Variants in ZNF407 observed in about 807,000 individuals in gnomAD.
ZNF407 encodes the protein zinc finger protein 407.
A neutral mutation model predicts 131.2 loss-of-function variants in ZNF407; 17 were observed. The observed-to-expected ratio is 0.13, with a 90% CI of 0.09 to 0.19. The LOEUF (loss-of-function observed/expected upper bound fraction) is 0.19, where lower values mean the gene tolerates loss of function less well. ZNF407 is among the 10% of genes least tolerant of loss of function. The pLI is 1.00. For synonymous variants in ZNF407, 1,156 were observed against 1,062.0 expected, an observed-to-expected ratio of 1.09 and a Z score of -1.72; for missense variants, 2,681 against 2,830.6, an observed-to-expected ratio of 0.95 and a Z score of 1.20.
intron 8 of ZNF407, among the ~76,000 whole-genome samples, chr18:74,987,207 G>A (rs925876368): frequency 6.6e-6 from 1 of 151,692 alleles, no homozygotes; most frequent in Non-Finnish European, 1.5e-5. Flanking sequence ...GTGTCGTTGT[G>A]TCAGTACCGG....
intron 8 of ZNF407, among the ~76,000 whole-genome samples, chr18:74,988,728 A>G (rs1460750538): frequency 1.3e-5 from 2 of 152,164 alleles, no homozygotes; most frequent in African/African-American, 4.8e-5. Flanking sequence ...ATGGTGTTCA[A>G]TGTCACCACC....
intron 8 of ZNF407, among the ~76,000 whole-genome samples, chr18:75,029,920 T>G (rs889044578): frequency 2.0e-5 from 3 of 152,200 alleles, no homozygotes; most frequent in African/African-American, 7.2e-5. Flanking sequence ...TTCAGAAACG[T>G]TATGAAGAAC....
At chr18:74,622,405 G>A (rs1983552395) in intron 1 of ZNF407, among the ~76,000 whole-genome samples, 1 of 152,248 alleles carries the variant, frequency 6.6e-6, no homozygotes, top group Non-Finnish European at 1.5e-5. Context: ...CAGCTCGCAG[G>A]GGGCTTGTGG....
At chr18:74,894,838 G>A (rs911536736) in intron 7 of ZNF407, among the ~76,000 whole-genome samples, 1 of 152,124 alleles carries the variant, frequency 6.6e-6, no homozygotes, top group African/African-American at 2.4e-5. Context: ...TCTGCATATT[G>A]TGTCTCTATT....
chr18:74,622,993 C>T (rs1437330078), intron 1 of ZNF407, among the ~76,000 whole-genome samples: 4 of 150,124 alleles, frequency 2.7e-5, no homozygotes, highest in Admixed American at 6.6e-5. Context: ...AATGTGAGTC[C>T]GTGTGTCTGT....
chr18:74,783,175 G>C (rs1047638629), intron 4 of ZNF407, among the ~76,000 whole-genome samples: 10 of 151,962 alleles, frequency 6.6e-5, no homozygotes, highest in Non-Finnish European at 1.3e-4. Flanking sequence ...TATTATTCCA[G>C]TTTTATAGAT....
At chr18:74,904,948 A>C (rs1400504486) in intron 7 of ZNF407, among the ~76,000 whole-genome samples, 1 of 152,242 alleles carries the variant, frequency 6.6e-6, no homozygotes, top group Non-Finnish European at 1.5e-5. Flanking sequence ...GGCCATTAGC[A>C]GTTGAAGAGT....
chr18:74,633,009 A>G lies in ZNF407; in HGVS notation c.1990A>G (p.Ser664Gly). 6.2e-7 allele frequency: 1 copy of G among 1,613,912 alleles called. No individual in the cohort carries two copies. Among genetic ancestry groups the G allele is most frequent in the South Asian group, 1.1e-5 (1 of 91,072 alleles). The part of the protein sequence containing the change: ...SDLVLQTLPL[S>G]TLESENAKES... ...TTTGGTTTTACAGACTTTACCTTTG[A>G]GTACTTTAGAATCAGAAAACGCAAA... The change falls in exon 2 of 9, where the codon AGT becomes GGT. Residue 664 changes from serine to glycine, a missense_variant. By Grantham distance (56) the Ser-to-Gly change is moderately conservative. Around this residue, in one of 6 missense-constraint regions of ZNF407, gnomAD observed 1,789 missense variants for 1,748.7 expected, o/e 1.02. Coordinates refer to ENST00000299687, the MANE Select transcript of ZNF407 (RefSeq NM_017757.3).
At chr18:74,783,552 G>GT (rs1332897592) in intron 4 of ZNF407, among the ~76,000 whole-genome samples, 1,959 of 142,654 alleles carry the variant, frequency 0.014, 37 homozygotes, top group African/African-American at 0.045. Context: ...AAAATTTACT[G>GT]TTTTTTTTTT....
chr18:74,632,872 C>T lies in ZNF407; in HGVS notation c.1853C>T (p.Thr618Ile), dbSNP rs777198607. ...AAGCACAATATGCATTTTCTTTGCA[C>T]CCCTTGTAATCTGTTCTTTTTGTCT... The part of the protein sequence containing the change: ...KEKHNMHFLC[T>I]PCNLFFLSEK... The change falls in exon 2 of 9, where the codon ACC (threonine) becomes ATC (isoleucine). Residue 618 changes from threonine (T) to isoleucine (I), a missense_variant. Around this residue, in one of 6 missense-constraint regions of ZNF407, gnomAD observed 1,789 missense variants for 1,748.7 expected, o/e 1.02. Coordinates refer to ENST00000299687, the MANE Select transcript of ZNF407 (RefSeq NM_017757.3). The T allele has an allele frequency of 5.0e-6, 8 of 1,613,300 alleles. No homozygotes were observed. The highest frequency in any genetic ancestry group is 6.8e-6 in the Non-Finnish European group (8 of 1,179,856).
intron 8 of ZNF407, among the ~76,000 whole-genome samples, chr18:74,995,309 TGTG>T (rs967142273): frequency 6.6e-6 from 1 of 151,900 alleles, no homozygotes; most frequent in Non-Finnish European, 1.5e-5. Context: ...TTCTGGATGC[TGTG>T]TGGAGAGTGG....
intron 3 of ZNF407, among the ~76,000 whole-genome samples, chr18:74,716,487 G>A (rs570637526): frequency 6.6e-6 from 1 of 152,142 alleles, no homozygotes; most frequent in Non-Finnish European, 1.5e-5. Flanking sequence ...GTGACACCCT[G>A]TGAACTAATT....
chr18:74,985,908 AC>A, intron 8 of ZNF407, among the ~76,000 whole-genome samples: 1 of 152,356 alleles, frequency 6.6e-6, no homozygotes, highest in South Asian at 2.1e-4. Flanking sequence ...TAGCCCTGCC[AC>A]CAGACTATGG....
chr18:74,697,054 T>C (rs1231515595), intron 3 of ZNF407, among the ~76,000 whole-genome samples: 1 of 152,192 alleles, frequency 6.6e-6, no homozygotes, highest in Non-Finnish European at 1.5e-5. Flanking sequence ...GATTGCTGCT[T>C]TGGAGAGCTT....
chr18:75,020,492 C>T (rs1396371985), intron 8 of ZNF407, among the ~76,000 whole-genome samples: 3 of 152,110 alleles, frequency 2.0e-5, no homozygotes, highest in African/African-American at 7.2e-5. Flanking sequence ...TTATTTTTCT[C>T]CTATCGGAAG....
At position 74,632,685 on chromosome 18, in the gene ZNF407, A is replaced by G. The variant is rs1455276125; in HGVS notation, c.1666A>G (p.Lys556Glu). 1 of 1,613,956 alleles carries G rather than the reference A, an allele frequency of 6.2e-7. No homozygotes were observed. The highest frequency in any genetic ancestry group is 1.3e-5 in the African/African-American group (1 of 74,938). Residue 556 changes from lysine to glutamate, a missense_variant, in exon 2 of 9, where the codon AAA (lysine) becomes GAA (glutamate). Lys to Glu is a moderately conservative substitution (Grantham distance 56). Around this residue, in one of 6 missense-constraint regions of ZNF407, gnomAD observed 1,789 missense variants for 1,748.7 expected, o/e 1.02. Coordinates refer to ENST00000299687, the MANE Select transcript of ZNF407 (RefSeq NM_017757.3). Reference protein sequence around the residue: ...HVKRCHAREMKFYCRTCDFSS... With the variant: ...HVKRCHAREMEFYCRTCDFSS... ...GAAAAGGTGCCATGCCAGAGAGATGAAATTTTACTGCCGTACTTGTGACTT... is the reference window on the plus strand; with the variant it reads ...GAAAAGGTGCCATGCCAGAGAGATGGAATTTTACTGCCGTACTTGTGACTT...
At chr18:75,028,922 C>T (rs1973203742) in intron 8 of ZNF407, among the ~76,000 whole-genome samples, 1 of 152,194 alleles carries the variant, frequency 6.6e-6, no homozygotes, top group African/African-American at 2.4e-5. Flanking sequence ...CATTAGACTT[C>T]ACTTTTAGAT....
rs1170926406 is a variant in ZNF407 at position 74,633,643 on chromosome 18, A to T, written c.2624A>T (p.His875Leu). Residue 875 changes from histidine to leucine, a missense_variant, in exon 2 of 9, where the codon CAC becomes CTC. Physicochemically the swap from His to Leu is moderately conservative, Grantham distance 99 (BLOSUM62 -3). Transcript: ENST00000299687. ...GTTCACATTAGACGAAAACACAGTC[A>T]CCAGTATAGTTATTTATGCAAAGTG... ...LTVHIRRKHSHQYSYLCKVCK... is the reference protein window; with the variant it reads ...LTVHIRRKHSLQYSYLCKVCK... 4 of 1,613,944 alleles carry T rather than the reference A, an allele frequency of 2.5e-6. No individual in the cohort carries two copies. The highest frequency in any genetic ancestry group is 3.4e-6 in the Non-Finnish European group (4 of 1,179,904).
Position 75,044,565 on chromosome 18 carries a change from G to A in ZNF407, c.5429-18585G>A, listed in dbSNP as rs1478846229. Among the ~76,000 whole-genome samples, 9 of 152,170 alleles carry A rather than the reference G, an allele frequency of 5.9e-5. No homozygotes were observed. In the South Asian group the frequency reaches 1.5e-3, roughly 25 times the overall value. On this transcript the variant is annotated intron_variant, in intron 8 of 8. Transcript: ENST00000299687. The stretch of plus-strand genomic sequence containing the variant: ...AGTATTAGGAACAGCCCTAGGTAAC[G>A]TTTCTGATCATGAAGTGAATCTGAC...
Sources: allele counts gnomAD v4.1 joint callset (sites outside exome capture counted in the v4.1 genomes callset), GRCh38; gene constraint gnomAD v4.1.1; regional missense constraint gnomAD v4.1.1; transcripts MANE v1.5; gene names NCBI Gene and HGNC (gene_info 2026-07-23, HGNC 2026-07-21).